Variants in PITPNC1 observed in about 807,000 individuals in gnomAD.
PITPNC1 encodes cytoplasmic phosphatidylinositol transfer protein 1.
PITPNC1 carries 18 observed loss-of-function variants against 44.7 expected under a neutral mutation model. The ratio of observed to expected loss-of-function variants is 0.40; its 90% CI spans 0.28 to 0.60. The LOEUF (loss-of-function observed/expected upper bound fraction) is 0.60, where lower values mean the gene tolerates loss of function less well. Ranked by LOEUF, PITPNC1 falls within the 20% of genes least tolerant of loss-of-function variation. PITPNC1 has a pLI of 0.39. For synonymous variants in PITPNC1, 141 were observed against 149.6 expected (o/e 0.94, Z 0.42); for missense variants, 290 against 418.4 (o/e 0.69, Z 2.68).
At chr17:67,644,761 A>G (rs952680632) in intron 6 of PITPNC1, among the ~76,000 whole-genome samples, 3 of 152,164 alleles carry the variant, frequency 2.0e-5, no homozygotes, top group Non-Finnish European at 2.9e-5. Flanking sequence ...CAATGAGTCC[A>G]CACAAGTTGC....
rs1013280414 is a variant in PITPNC1, at chr17:67,597,693, A to C, written c.366+19436A>C. On this transcript the variant is annotated intron_variant, in intron 5 of 8. Transcript: ENST00000581322. The surrounding 1 kb of genome is among the most constrained non-coding windows in gnomAD (Gnocchi z 4.0). The stretch of plus-strand genomic sequence containing the variant: ...TAATGGTGCCTTAATTCATCGTACA[A>C]GAAACATTTGTTAAACATCTATTCG... Among the ~76,000 whole-genome samples the C allele has an allele frequency of 6.6e-6, 1 of 152,248 alleles. No homozygotes were observed. The highest frequency in any genetic ancestry group is 2.4e-5 in the African/African-American group (1 of 41,464).
intron 1 of PITPNC1, among the ~76,000 whole-genome samples, chr17:67,434,200 G>A (rs2038899597): frequency 6.6e-6 from 1 of 152,202 alleles, no homozygotes; most frequent in African/African-American, 2.4e-5. Context: ...CCGTAATGGT[G>A]ATGTAATGCT....
At chr17:67,665,033 T>C (rs187220319) in intron 6 of PITPNC1, among the ~76,000 whole-genome samples, 13 of 152,316 alleles carry the variant, frequency 8.5e-5, no homozygotes, top group East Asian at 5.8e-4. Flanking sequence ...TTTCCCTTTT[T>C]TGTGGCTATT....
chr17:67,401,764 A>C (rs577803660), intron 1 of PITPNC1, among the ~76,000 whole-genome samples: 50 of 151,964 alleles, frequency 3.3e-4, no homozygotes, highest in Non-Finnish European at 4.6e-4. Context: ...AATTGTTTGA[A>C]CCCAGGAGGC....
intron 1 of PITPNC1, among the ~76,000 whole-genome samples, chr17:67,468,490 C>T (rs1473439783): frequency 6.6e-6 from 1 of 150,694 alleles, no homozygotes; most frequent in Non-Finnish European, 1.5e-5. Flanking sequence ...CAAGCTCTGC[C>T]TCCCAGGTTC....
At chr17:67,433,070 G>A (rs1029954240) in intron 1 of PITPNC1, among the ~76,000 whole-genome samples, 5 of 152,204 alleles carry the variant, frequency 3.3e-5, no homozygotes, top group African/African-American at 1.2e-4. Context: ...AGACCCTTGA[G>A]GAGGCGACAG....
At chr17:67,643,311 G>A (rs992360568) in intron 6 of PITPNC1, among the ~76,000 whole-genome samples, 10 of 152,186 alleles carry the variant, frequency 6.6e-5, no homozygotes, top group African/African-American at 2.2e-4. Context: ...GCTTGAATCC[G>A]GGAGGCGGAG....
rs753531916 is a variant in PITPNC1 at position 67,471,442 on chromosome 17, G to GT, written c.49-61360_49-61359insT. 7.3e-3 allele frequency: 2,608 copies of GT among 359,506 alleles called. 79 individuals are homozygous for GT. In the East Asian group the frequency reaches 0.11, roughly 15 times the overall value. The allele number at this position is 359,506 out of a possible 1,614,324, so 22.3% of individuals were successfully genotyped here. A position where few individuals can be genotyped will look rare whatever the true frequency, so the allele number is the denominator to read the frequency against. ...AACATTCACATACAAGTCCTTGTGT[G>GT]GACCTACGTCTTCATTTGAGAGATT... On this transcript the variant is annotated intron_variant, in intron 1 of 8. Coordinates refer to ENST00000581322, the MANE Select transcript of PITPNC1 (RefSeq NM_012417.4).
chr17:67,459,114 T>C (rs2039299015), intron 1 of PITPNC1, among the ~76,000 whole-genome samples: 1 of 107,842 alleles, frequency 9.3e-6, no homozygotes, highest in Non-Finnish European at 1.8e-5. Context: ...TTTCTTTTTC[T>C]TTTTTTTTTT....
intron 1 of PITPNC1, among the ~76,000 whole-genome samples, chr17:67,454,984 T>C (rs552904415): frequency 1.3e-5 from 2 of 152,144 alleles, no homozygotes; most frequent in African/African-American, 4.8e-5. Flanking sequence ...CAGGCCTGGC[T>C]AATTTTTATT....
At chr17:67,463,544 A>C (rs977457180) in intron 1 of PITPNC1, among the ~76,000 whole-genome samples, 1 of 152,180 alleles carries the variant, frequency 6.6e-6, no homozygotes, top group Non-Finnish European at 1.5e-5. Flanking sequence ...GGGGTCAAAG[A>C]GCATCGCTGA....
At chr17:67,485,140 C>T (rs2039759625) in intron 1 of PITPNC1, among the ~76,000 whole-genome samples, 1 of 151,948 alleles carries the variant, frequency 6.6e-6, no homozygotes, top group East Asian at 1.9e-4. Flanking sequence ...ACAGGGTCCT[C>T]ACTCTTAACC....
intron 5 of PITPNC1, among the ~76,000 whole-genome samples, chr17:67,621,153 A>G (rs1334888344): frequency 7.5e-6 from 1 of 132,462 alleles, no homozygotes; most frequent in Non-Finnish European, 1.7e-5. Flanking sequence ...CTGAATTTGG[A>G]CTACTAGAGT....
At chr17:67,575,595 G>A (rs2041129766) in intron 4 of PITPNC1, among the ~76,000 whole-genome samples, 1 of 152,144 alleles carries the variant, frequency 6.6e-6, no homozygotes, top group Non-Finnish European at 1.5e-5. Flanking sequence ...AGGGGTCTCA[G>A]CTGGGCTGAA....
intron 4 of PITPNC1, among the ~76,000 whole-genome samples, chr17:67,563,264 A>G (rs2040928771): frequency 2.0e-5 from 3 of 152,228 alleles, no homozygotes. Flanking sequence ...ATTAGAGAGA[A>G]AGTCAAGTCT....
At chr17:67,580,464 GC>G (rs1273351183) in intron 5 of PITPNC1, among the ~76,000 whole-genome samples, 1 of 151,914 alleles carries the variant, frequency 6.6e-6, no homozygotes, top group Admixed American at 6.6e-5. Flanking sequence ...TCCCACCTCA[GC>G]CCCCCTACTG....
chr17:67,635,985 A>T (rs2706687), intron 6 of PITPNC1, among the ~76,000 whole-genome samples: 2 of 152,092 alleles, frequency 1.3e-5, no homozygotes, highest in South Asian at 4.1e-4. Flanking sequence ...ACAGCACAGA[A>T]AGCCCCTCAC....
At chr17:67,623,551 A>C (rs2041859891) in intron 5 of PITPNC1, among the ~76,000 whole-genome samples, 1 of 152,002 alleles carries the variant, frequency 6.6e-6, no homozygotes, top group Non-Finnish European at 1.5e-5. Flanking sequence ...TGCCCAGCTA[A>C]TTTCTGTATT....
chr17:67,378,179 T>C lies in PITPNC1; in HGVS notation c.25T>C (p.Cys9Arg). 1 of 1,548,120 alleles carries C rather than the reference T, an allele frequency of 6.5e-7. No homozygotes were observed. Among genetic ancestry groups the C allele is most frequent in the Admixed American group, 2.0e-5 (1 of 50,824 alleles). Residue 9 changes from cysteine to arginine, a missense_variant, in exon 1 of 9, where the codon TGC becomes CGC. By Grantham distance (180) the Cys-to-Arg change is radical. Coordinates refer to ENST00000581322, the MANE Select transcript of PITPNC1 (RefSeq NM_012417.4). Reference sequence around the variant, plus strand: ...CATGCTGCTGAAAGAGTACCGGATCTGCATGCCGCTCACCGTAGACGAGGT... The same window carrying C: ...CATGCTGCTGAAAGAGTACCGGATCCGCATGCCGCTCACCGTAGACGAGGT... MLLKEYRI[C>R]MPLTVDEYKI...
Sources: allele counts gnomAD v4.1 joint callset (sites outside exome capture counted in the v4.1 genomes callset), GRCh38; gene constraint gnomAD v4.1.1; non-coding constraint Gnocchi (gnomAD v3.1); transcripts MANE v1.5; gene names NCBI Gene and HGNC (gene_info 2026-07-23, HGNC 2026-07-21).